The following FGF13 variants were observed in gnomAD, a reference collection of about 807,000 sequenced individuals.
FGF13 encodes fibroblast growth factor homologous factor 2.
In FGF13, 2 loss-of-function variants were observed where a neutral mutation model predicts 19.5. That is an observed-to-expected ratio of 0.10 (90% CI 0.04 to 0.32). The LOEUF (loss-of-function observed/expected upper bound fraction) is 0.32. Among genes scored for constraint, FGF13 ranks in the 10% least tolerant of loss-of-function variants. FGF13 has a pLI of 1.00. For synonymous variants in FGF13, 72 were observed against 76.9 expected (o/e 0.94, Z 0.33); for missense variants, 113 against 192.7 (o/e 0.59, Z 2.45).
intron 1 of FGF13, among the ~76,000 whole-genome samples, chrX:138,910,590 C>A (rs1417558356): frequency 8.9e-6 from 1 of 111,956 alleles, no homozygotes; most frequent in Non-Finnish European, 1.9e-5. Context: ...TGGCTAGAGC[C>A]AAGCAAAAAG....
At chrX:138,860,831 C>A (rs187396290) in intron 2 of FGF13, among the ~76,000 whole-genome samples, 17 of 112,234 alleles carry the variant, frequency 1.5e-4, no homozygotes, top group Non-Finnish European at 2.6e-4. Flanking sequence ...AAAGAACAGG[C>A]CTTTGGGGGG....
At chrX:139,166,834 C>A (rs1435095990) in intron 1 of FGF13, among the ~76,000 whole-genome samples, 1 of 111,380 alleles carries the variant, frequency 9.0e-6, no homozygotes, top group Non-Finnish European at 1.9e-5. Flanking sequence ...TCCCTAAAAC[C>A]TTTTCCATAT....
At chrX:138,992,078 G>T (rs772543743) in intron 1 of FGF13, among the ~76,000 whole-genome samples, 1 of 98,258 alleles carries the variant, frequency 1.0e-5, no homozygotes, top group African/African-American at 3.7e-5. Flanking sequence ...TATATTTATG[G>T]GACATCTTTA....
chrX:138,653,632 T>C (rs1468916629), intron 3 of FGF13, among the ~76,000 whole-genome samples: 2 of 111,194 alleles, frequency 1.8e-5, no homozygotes, highest in African/African-American at 3.3e-5. Context: ...ACGTATCTAA[T>C]CAAATACCTG....
intron 1 of FGF13, among the ~76,000 whole-genome samples, chrX:138,964,896 CTCG>C (rs1361830202): frequency 1.8e-5 from 2 of 111,251 alleles, no homozygotes; most frequent in Non-Finnish European, 3.8e-5. Flanking sequence ...CCCACCAGGC[CTCG>C]CCTCCAACAC....
intron 1 of FGF13, among the ~76,000 whole-genome samples, chrX:139,159,199 C>T (rs769391209): frequency 8.9e-6 from 1 of 111,947 alleles, no homozygotes; most frequent in Non-Finnish European, 1.9e-5. Context: ...AAAGAATTTT[C>T]GACCCAGAAT....
chrX:138,851,579 G>A (rs774260548), intron 3 of FGF13, among the ~76,000 whole-genome samples: 4 of 111,230 alleles, frequency 3.6e-5, no homozygotes, highest in Non-Finnish European at 5.7e-5. Context: ...AAAATAATAA[G>A]AGCCATTTAT....
At chrX:139,137,991 C>A (rs765376919) in intron 1 of FGF13, among the ~76,000 whole-genome samples, 1 of 112,067 alleles carries the variant, frequency 8.9e-6, no homozygotes, top group Non-Finnish European at 1.9e-5. Context: ...TTCCGTTGTT[C>A]CCATATCCTA....
intron 3 of FGF13, among the ~76,000 whole-genome samples, chrX:138,848,019 G>A (rs187872163): frequency 8.9e-6 from 1 of 112,121 alleles, no homozygotes; most frequent in East Asian, 2.8e-4. Context: ...AGTACAGTCT[G>A]AGAAACTCTT....
In FGF13 at chrX:138,618,466, GGGCTCA is replaced by G. The variant is rs2088987684; in HGVS notation, c.*14378_*14383del. ...GGCTGTGAGCAGGGAACAGCGGTAG[GGGCTCA>G]CAGCAACCAGAGACTGGAAATTCAA... On this transcript the variant is annotated 3_prime_UTR_variant, in exon 5 of 5. Transcript: ENST00000315930. 1 of 111,453 alleles carries G rather than the reference GGGCTCA, an allele frequency of 9.0e-6. No individual in the cohort carries two copies. Among genetic ancestry groups the G allele is most frequent in the Admixed American group, 9.5e-5 (1 of 10,486 alleles). 9.2% of individuals were successfully genotyped at this position (111,453 alleles called of 1,213,427 possible). A position where few individuals can be genotyped will look rare whatever the true frequency, so the allele number is the denominator to read the frequency against.
At position 138,615,950 on chromosome X, in the gene FGF13, C is replaced by T. The variant is rs2088964356; in HGVS notation, c.*16900G>A. 1 of 111,025 alleles carries T rather than the reference C, an allele frequency of 9.0e-6. No individual in the cohort carries two copies. The highest frequency in any genetic ancestry group is 1.9e-5 in the Non-Finnish European group (1 of 53,022). 9.1% of individuals were successfully genotyped at this position (111,025 alleles called of 1,213,427 possible). A position where few individuals can be genotyped will look rare whatever the true frequency, so the allele number is the denominator to read the frequency against. On this transcript the variant is annotated 3_prime_UTR_variant, in exon 5 of 5. Coordinates refer to ENST00000315930, the MANE Select transcript of FGF13 (RefSeq NM_004114.5). ...TATCATGAGAATAGCATGAGGGAAA[C>T]CACCCCCATGATTCAGTCCTCCACC...
At chrX:138,811,438 C>T (rs1265359869) in intron 3 of FGF13, among the ~76,000 whole-genome samples, 2 of 109,593 alleles carry the variant, frequency 1.8e-5, no homozygotes, top group African/African-American at 6.7e-5. Context: ...CAAACCGGGG[C>T]CTGTTGTGGG....
chrX:138,821,218 T>TCA (rs2090997104), intron 3 of FGF13, among the ~76,000 whole-genome samples: 1 of 111,263 alleles, frequency 9.0e-6, no homozygotes, highest in Non-Finnish European at 1.9e-5. Flanking sequence ...GGAGATACAT[T>TCA]CTAGAGATAG....
chrX:139,086,800 A>T (rs1265257747), intron 1 of FGF13, among the ~76,000 whole-genome samples: 1 of 112,988 alleles, frequency 8.9e-6, no homozygotes, highest in Non-Finnish European at 1.9e-5. Context: ...TAACTTGATT[A>T]TTCATGTGAA....
chrX:139,111,801 C>T (rs933568844), intron 1 of FGF13, among the ~76,000 whole-genome samples: 6 of 111,982 alleles, frequency 5.4e-5, no homozygotes, highest in African/African-American at 1.3e-4. Flanking sequence ...ATGAGCACAA[C>T]GAATACCTAA....
intron 1 of FGF13, among the ~76,000 whole-genome samples, chrX:138,725,475 G>A (rs1569375807): frequency 9.0e-6 from 1 of 111,332 alleles, no homozygotes; most frequent in African/African-American, 3.3e-5. Flanking sequence ...AAGAGCCAGT[G>A]CACGAGAAGT....
chrX:138,753,953 A>C (rs1181970058), intron 3 of FGF13, among the ~76,000 whole-genome samples: 1 of 112,219 alleles, frequency 8.9e-6, no homozygotes, highest in East Asian at 2.8e-4. Context: ...ACAACAACAA[A>C]AAAATCACAC....
intron 1 of FGF13, among the ~76,000 whole-genome samples, chrX:139,101,107 G>A (rs1207109907): frequency 9.0e-6 from 1 of 111,011 alleles, no homozygotes; most frequent in Non-Finnish European, 1.9e-5. Context: ...GGACTGATGG[G>A]CATAAGTCAT....
intron 2 of FGF13, among the ~76,000 whole-genome samples, chrX:138,860,128 AG>A (rs930584345): frequency 5.4e-5 from 6 of 112,128 alleles, no homozygotes; most frequent in Non-Finnish European, 1.1e-4. Context: ...TTAAACCAGA[AG>A]TGGCACTGTA....
Sources: gnomAD v4.1 joint callset for allele counts (sites outside exome capture counted in the v4.1 genomes callset) on GRCh38, gnomAD v4.1.1 for gene constraint, MANE v1.5 for transcripts, NCBI Gene and HGNC (gene_info 2026-07-23, HGNC 2026-07-21) for gene names.